The following SLC16A10 variants were observed in gnomAD, a reference collection of about 807,000 sequenced individuals.
The protein encoded by SLC16A10 is monocarboxylate transporter 10.
A neutral mutation model predicts 40.0 loss-of-function variants in SLC16A10; 27 were observed. The ratio of observed to expected loss-of-function variants is 0.67; its 90% confidence interval spans 0.50 to 0.93. SLC16A10 has a LOEUF of 0.93. Ranked by LOEUF, SLC16A10 falls within the 40% of genes least tolerant of loss-of-function variation. SLC16A10 has a pLI of 0.00. For missense variants in SLC16A10, 529 were observed against 658.2 expected (o/e 0.80, Z 2.15); for synonymous variants, 213 against 249.8 (o/e 0.85, Z 1.39).
At chr6:111,148,142 A>G (rs1772111469) in intron 1 of SLC16A10, among the ~76,000 whole-genome samples, 1 of 152,230 alleles carries the variant, frequency 6.6e-6, no homozygotes, top group South Asian at 2.1e-4. Flanking sequence ...ACAGAGTAAA[A>G]GATGAGTGCT....
intron 1 of SLC16A10, among the ~76,000 whole-genome samples, chr6:111,138,001 C>T (rs568486047): frequency 9.2e-5 from 14 of 152,358 alleles, no homozygotes; most frequent in East Asian, 1.9e-4. Context: ...TAGCCGGCAA[C>T]GGCTACCCTC....
At chr6:111,095,937 C>T (rs1166012902) in intron 1 of SLC16A10, among the ~76,000 whole-genome samples, 1 of 152,178 alleles carries the variant, frequency 6.6e-6, no homozygotes, top group Non-Finnish European at 1.5e-5. Flanking sequence ...CATTCCATTA[C>T]CATAAAGAAA....
chr6:111,122,991 T>G (rs148072111), intron 1 of SLC16A10, among the ~76,000 whole-genome samples: 1 of 152,340 alleles, frequency 6.6e-6, no homozygotes, highest in Non-Finnish European at 1.5e-5. Flanking sequence ...CATTGCCTCA[T>G]CTGTTCATGG....
chr6:111,171,039 A>C (rs1772576408), intron 1 of SLC16A10, among the ~76,000 whole-genome samples: 1 of 152,156 alleles, frequency 6.6e-6, no homozygotes, highest in African/African-American at 2.4e-5. Context: ...CAGGAGGCTT[A>C]GGTGGGAGGA....
intron 1 of SLC16A10, among the ~76,000 whole-genome samples, chr6:111,101,293 A>C (rs981705512): frequency 6.6e-6 from 1 of 151,934 alleles, no homozygotes; most frequent in Non-Finnish European, 1.5e-5. Context: ...CAGCCTCTGA[A>C]AGTGCTGGCA....
chr6:111,156,726 T>C (rs145803599), intron 1 of SLC16A10, among the ~76,000 whole-genome samples: 3 of 152,292 alleles, frequency 2.0e-5, no homozygotes, highest in African/African-American at 7.2e-5. Flanking sequence ...TAGTTAAAAC[T>C]GAGGAAATCT....
intron 4 of SLC16A10, among the ~76,000 whole-genome samples, chr6:111,215,344 C>G (rs772570313): frequency 1.7e-4 from 25 of 143,450 alleles, no homozygotes; most frequent in East Asian, 4.1e-4. Context: ...CCAACACTAA[C>G]TAAGTATAAA....
intron 1 of SLC16A10, chr6:111,091,331 C>T (rs930767278): frequency 6.6e-6 from 1 of 152,038 alleles, no homozygotes; most frequent in Non-Finnish European, 1.5e-5. Flanking sequence ...AAGCAAGCAC[C>T]AGGAGCTGGG....
intron 1 of SLC16A10, among the ~76,000 whole-genome samples, chr6:111,090,721 T>A (rs1429138750): frequency 2.0e-5 from 3 of 152,228 alleles, no homozygotes; most frequent in Non-Finnish European, 4.4e-5. Flanking sequence ...GTTTGATTGG[T>A]CACACTTTTT....
intron 1 of SLC16A10, among the ~76,000 whole-genome samples, chr6:111,165,351 C>T (rs947173773): frequency 3.3e-5 from 5 of 151,984 alleles, no homozygotes; most frequent in Non-Finnish European, 5.9e-5. Flanking sequence ...GCCTCTCATG[C>T]GTGCATTAAG....
intron 1 of SLC16A10, among the ~76,000 whole-genome samples, chr6:111,158,125 G>A (rs1772305697): frequency 6.6e-6 from 1 of 152,026 alleles, no homozygotes. Context: ...AATTTCAGAG[G>A]AATGGGATGT....
At chr6:111,097,398 G>A (rs1456545705) in intron 1 of SLC16A10, among the ~76,000 whole-genome samples, 5 of 151,784 alleles carry the variant, frequency 3.3e-5, no homozygotes, top group Non-Finnish European at 7.4e-5. Flanking sequence ...TGCAACCTCC[G>A]ATGCCTGGGT....
chr6:111,092,671 G>C (rs573551200), intron 1 of SLC16A10, among the ~76,000 whole-genome samples: 29 of 151,928 alleles, frequency 1.9e-4, no homozygotes, highest in Non-Finnish European at 3.8e-4. Context: ...TTCTTGCCTA[G>C]GTAGAGAGGA....
chr6:111,152,237 G>T (rs1772184601), intron 1 of SLC16A10, among the ~76,000 whole-genome samples: 1 of 152,090 alleles, frequency 6.6e-6, no homozygotes, highest in Admixed American at 6.6e-5. Context: ...TATGGATTTT[G>T]AGTCCTAATT....
intron 1 of SLC16A10, among the ~76,000 whole-genome samples, chr6:111,125,683 T>C (rs1771663603): frequency 6.6e-6 from 1 of 152,216 alleles, no homozygotes; most frequent in South Asian, 2.1e-4. Context: ...TTATACTGTA[T>C]GTTTGTTATT....
At chr6:111,129,508 T>G (rs1771743595) in intron 1 of SLC16A10, among the ~76,000 whole-genome samples, 1 of 152,270 alleles carries the variant, frequency 6.6e-6, no homozygotes, top group Non-Finnish European at 1.5e-5. Context: ...AAGCCAGTTT[T>G]ATCAGTGAAA....
At chr6:111,127,684 G>A (rs1202586196) in intron 1 of SLC16A10, among the ~76,000 whole-genome samples, 5 of 152,158 alleles carry the variant, frequency 3.3e-5, no homozygotes, top group Admixed American at 6.5e-5. Context: ...ATCATTGGAT[G>A]ATATTTATCA....
At chr6:111,179,552 G>A (rs1004860349) in intron 3 of SLC16A10, among the ~76,000 whole-genome samples, 8 of 152,178 alleles carry the variant, frequency 5.3e-5, no homozygotes, top group African/African-American at 1.9e-4. Flanking sequence ...GGAAAAATGA[G>A]TATGCCTAAG....
intron 1 of SLC16A10, among the ~76,000 whole-genome samples, chr6:111,165,338 AG>A (rs1335666272): frequency 6.6e-6 from 1 of 152,182 alleles, no homozygotes; most frequent in Non-Finnish European, 1.5e-5. Flanking sequence ...AAGTTATCTT[AG>A]GGCCTCTCAT....
Sources: gnomAD v4.1 joint callset for allele counts (sites outside exome capture counted in the v4.1 genomes callset) on GRCh38, gnomAD v4.1.1 for gene constraint, MANE v1.5 for transcripts, NCBI Gene and HGNC (gene_info 2026-07-23, HGNC 2026-07-21) for gene names.